CALN1: variants seen among roughly 807,000 people sequenced by gnomAD.
The protein encoded by CALN1 is calcium-binding protein 8.
A neutral mutation model predicts 30.6 loss-of-function variants in CALN1; 17 were observed. The ratio of observed to expected loss-of-function variants is 0.56; its 90% confidence interval spans 0.38 to 0.83. CALN1 has a LOEUF of 0.83. CALN1 is among the 40% of genes least tolerant of loss of function. CALN1 has a pLI of 0.00. For synonymous variants in CALN1, 156 were observed against 131.4 expected, an observed-to-expected ratio of 1.19 and a Z score of -1.28; for missense variants, 291 against 354.9, an observed-to-expected ratio of 0.82 and a Z score of 1.45.
chr7:72,397,636 G>A (rs1806048974), intron 2 of CALN1, among the ~76,000 whole-genome samples: 1 of 151,728 alleles, frequency 6.6e-6, no homozygotes, highest in Admixed American at 6.6e-5. Context: ...ACAAGCACAT[G>A]AAGGTCTACC....
chr7:71,862,033 A>T (rs1253167450), intron 5 of CALN1, among the ~76,000 whole-genome samples: 1 of 152,138 alleles, frequency 6.6e-6, no homozygotes, highest in Non-Finnish European at 1.5e-5. Flanking sequence ...AAAGGTTAGC[A>T]ACTAACTAAC....
At chr7:71,958,117 A>AG (rs1433604211) in intron 5 of CALN1, among the ~76,000 whole-genome samples, 1 of 150,742 alleles carries the variant, frequency 6.6e-6, no homozygotes, top group South Asian at 2.1e-4. Flanking sequence ...AGAAAAAAAA[A>AG]GAAAGTGCAG....
intron 2 of CALN1, among the ~76,000 whole-genome samples, chr7:72,341,391 T>C (rs868629082): frequency 6.6e-6 from 1 of 152,096 alleles, no homozygotes; most frequent in Non-Finnish European, 1.5e-5. Context: ...GGCATGGTGG[T>C]GGATGCCTGT....
chr7:71,993,969 A>C (rs1465207326), intron 5 of CALN1, among the ~76,000 whole-genome samples: 1 of 152,162 alleles, frequency 6.6e-6, no homozygotes, highest in African/African-American at 2.4e-5. Flanking sequence ...TGAAATTTAA[A>C]TGTTGTGACC....
intron 3 of CALN1, among the ~76,000 whole-genome samples, chr7:72,113,327 C>G (rs527532782): frequency 6.6e-6 from 1 of 152,162 alleles, no homozygotes; most frequent in Non-Finnish European, 1.5e-5. Flanking sequence ...ACCATGGGAT[C>G]TTTGCACACA....
At chr7:71,836,091 T>C (rs1173644857) in intron 5 of CALN1, among the ~76,000 whole-genome samples, 1 of 152,190 alleles carries the variant, frequency 6.6e-6, no homozygotes, top group African/African-American at 2.4e-5. Context: ...TTCTGCTGCC[T>C]GGACCTAGAA....
At chr7:72,397,126 G>A (rs939523857) in intron 2 of CALN1, among the ~76,000 whole-genome samples, 5 of 152,012 alleles carry the variant, frequency 3.3e-5, no homozygotes, top group African/African-American at 1.2e-4. Flanking sequence ...GCCCAGGCTG[G>A]TCTCAAGCTC....
the CALN1 span, among the ~76,000 whole-genome samples, chr7:72,457,969 T>G: frequency 6.6e-6 from 1 of 150,462 alleles, no homozygotes; most frequent in Non-Finnish European, 1.5e-5. Flanking sequence ...TTGCCCGGGC[T>G]GGTCTCAAAT....
At chr7:72,147,482 A>ATGTGGAGAAATAGGAAAG (rs1786848747) in intron 3 of CALN1, among the ~76,000 whole-genome samples, 1 of 134,112 alleles carries the variant, frequency 7.5e-6, no homozygotes, top group Non-Finnish European at 1.7e-5. Context: ...GTTGGAGAGG[A>ATGTGGAGAAATAGGAAAG]CTGTTACACT....
chr7:72,132,832 G>A (rs372205021), intron 3 of CALN1, among the ~76,000 whole-genome samples: 2 of 152,158 alleles, frequency 1.3e-5, no homozygotes, highest in Admixed American at 6.5e-5. Context: ...CCCAGGCTAC[G>A]GACCAATTTC....
chr7:71,995,365 T>C (rs1379016629), intron 5 of CALN1, among the ~76,000 whole-genome samples: 2 of 152,240 alleles, frequency 1.3e-5, no homozygotes, highest in Non-Finnish European at 2.9e-5. Flanking sequence ...CTGGAGTTTT[T>C]AGGCTGCTCT....
chr7:72,394,449 G>A (rs1209838085), intron 2 of CALN1, among the ~76,000 whole-genome samples: 1 of 152,174 alleles, frequency 6.6e-6, no homozygotes, highest in African/African-American at 2.4e-5. Flanking sequence ...CATTGCCTGT[G>A]AGAACAAAAA....
chr7:71,845,926 A>T (rs2116533598), intron 5 of CALN1, among the ~76,000 whole-genome samples: 1 of 152,168 alleles, frequency 6.6e-6, no homozygotes, highest in Middle Eastern at 3.4e-3. Context: ...TGGGGTGCAC[A>T]CCTGTAATCC....
intron 4 of CALN1, among the ~76,000 whole-genome samples, chr7:72,085,781 C>G (rs1442561141): frequency 6.6e-6 from 1 of 152,060 alleles, no homozygotes; most frequent in Non-Finnish European, 1.5e-5. Flanking sequence ...TTATGTCTCA[C>G]TTAAAAAGTA....
At chr7:72,050,068 C>G (rs1290127556) in intron 4 of CALN1, among the ~76,000 whole-genome samples, 25 of 151,982 alleles carry the variant, frequency 1.6e-4, no homozygotes, top group Admixed American at 1.6e-3. Context: ...ATCCTCCTGC[C>G]TCGGCCTCCC....
At chr7:72,502,714 G>A in the CALN1 span, among the ~76,000 whole-genome samples, 1 of 151,842 alleles carries the variant, frequency 6.6e-6, no homozygotes, top group Non-Finnish European at 1.5e-5. Flanking sequence ...ATAATTTTTG[G>A]TTAAATCCAT....
At position 72,292,820 on chromosome 7, in the gene CALN1, C is replaced by CAAAAAAAA. The variant is rs57352664; in HGVS notation, c.120-14018_120-14011dup. Among the ~76,000 whole-genome samples the CAAAAAAAA allele has an allele frequency of 4.0e-3, 454 of 112,804 alleles. 23 individuals are homozygous for CAAAAAAAA. The highest frequency in any genetic ancestry group is 0.012 in the African/African-American group (323 of 26,658). 74.0% of individuals were successfully genotyped at this position (112,804 alleles called of 152,430 possible). On this transcript the variant is annotated intron_variant, in intron 2 of 6. Transcript: ENST00000395275. ...TGGGCAACAGAACAATACTCTGTCT[C>CAAAAAAAA]AAAAAAAAAAAAAAGAATTTCAACA... is the stretch of plus-strand genomic sequence containing the variant.
At chr7:72,066,852 G>A (rs1476558244) in intron 4 of CALN1, among the ~76,000 whole-genome samples, 1 of 151,794 alleles carries the variant, frequency 6.6e-6, no homozygotes, top group Non-Finnish European at 1.5e-5. Flanking sequence ...CACGACCTTG[G>A]CTCACTGCAA....
intron 3 of CALN1, among the ~76,000 whole-genome samples, chr7:72,223,383 T>C (rs935332440): frequency 6.6e-6 from 1 of 152,114 alleles, no homozygotes; most frequent in Non-Finnish European, 1.5e-5. Flanking sequence ...CCAACCAGCA[T>C]GAGGAAATCG....
Sources: allele counts gnomAD v4.1 joint callset (sites outside exome capture counted in the v4.1 genomes callset), GRCh38; gene constraint gnomAD v4.1.1; transcripts MANE v1.5; gene names NCBI Gene and HGNC (gene_info 2026-07-23, HGNC 2026-07-21).